CYLD: variants seen among roughly 807,000 people sequenced by gnomAD.
CYLD encodes the protein CYLD lysine 63 deubiquitinase.
CYLD carries 26 observed loss-of-function variants against 104.5 expected under a neutral mutation model. The ratio of observed to expected loss-of-function variants is 0.25; its 90% CI spans 0.18 to 0.35. The LOEUF is 0.35. Among genes scored for constraint, CYLD ranks in the 10% least tolerant of loss-of-function variants. The pLI, the probability that CYLD is intolerant of heterozygous loss-of-function variation, is 1.00. For synonymous variants in CYLD, 385 were observed against 399.9 expected, an observed-to-expected ratio of 0.96 and a Z score of 0.45; for missense variants, 703 against 1,136.1, an observed-to-expected ratio of 0.62 and a Z score of 5.48.
intron 12 of CYLD, 37 bp downstream of exon 12, chr16:50,784,488 G>C: frequency 1.2e-6 from 2 of 1,605,244 alleles, no homozygotes; most frequent in Non-Finnish European, 1.7e-6. Flanking sequence ...GCCTTTACAT[G>C]GTGTTCTATT....
chr16:50,776,336 A>T (rs1431003625), intron 7 of CYLD, 59 bp downstream of exon 7: 1 of 1,153,978 alleles, frequency 8.7e-7, no homozygotes, highest in Non-Finnish European at 1.3e-6. Context: ...TTGCCATAGC[A>T]TTAAAAAAGA....
At chr16:50,752,012 A>G (rs1027734059) in intron 4 of CYLD, 106 bp downstream of exon 4, 5 of 218,838 alleles carry the variant, frequency 2.3e-5, no homozygotes, top group African/African-American at 6.6e-5. Context: ...ATACACACAT[A>G]TATATGTATA....
intron 5 of CYLD, 137 bp from the exon 6 acceptor site, chr16:50,775,029 A>G: frequency 1.5e-6 from 1 of 682,734 alleles, no homozygotes; most frequent in Non-Finnish European, 2.5e-6. Flanking sequence ...CCAAGTATTT[A>G]CATATAATTC....
intron 14 of CYLD, among the ~76,000 whole-genome samples, chr16:50,790,553 A>G (rs781513274): frequency 7.9e-5 from 12 of 152,050 alleles, no homozygotes; most frequent in Non-Finnish European, 1.5e-4. Flanking sequence ...AAACATTGGT[A>G]TATCATAGCC....
chr16:50,762,093 G>A (rs1194645415), intron 5 of CYLD, among the ~76,000 whole-genome samples: 1 of 152,050 alleles, frequency 6.6e-6, no homozygotes, highest in East Asian at 1.9e-4. Flanking sequence ...GGTGAGGTCA[G>A]GGCCTTCAGC....
intron 11 of CYLD, among the ~76,000 whole-genome samples, chr16:50,783,310 A>C (rs960576562): frequency 1.3e-5 from 2 of 152,134 alleles, no homozygotes; most frequent in Admixed American, 1.3e-4. Context: ...ACTGGGCTAA[A>C]TTGAGAGTAG....
intron 11 of CYLD, chr16:50,784,070 T>C (rs1970566904): frequency 4.9e-6 from 2 of 408,350 alleles, no homozygotes; most frequent in African/African-American, 4.1e-5. Flanking sequence ...CACGTTGTTA[T>C]CCTTTAACAC....
intron 5 of CYLD, among the ~76,000 whole-genome samples, chr16:50,762,220 C>CT (rs1968027818): frequency 6.6e-6 from 1 of 151,866 alleles, no homozygotes; most frequent in Non-Finnish European, 1.5e-5. Flanking sequence ...ACGTGTGATT[C>CT]TTTATGTGTT....
chr16:50,791,077 A>AAGTC (rs1234149736), intron 14 of CYLD, among the ~76,000 whole-genome samples: 1 of 152,232 alleles, frequency 6.6e-6, no homozygotes, highest in African/African-American at 2.4e-5. Flanking sequence ...ACTTGCTGAG[A>AAGTC]AGTCATTCTC....
Position 50,798,729 on chromosome 16 carries a change from A to T in CYLD, c.*2221A>T. 1 of 233,398 alleles carries T rather than the reference A, an allele frequency of 4.3e-6. No individual in the cohort carries two copies. 14.5% of individuals were successfully genotyped at this position (233,398 alleles called of 1,614,324 possible). On this transcript the variant is annotated 3_prime_UTR_variant, in exon 19 of 19. Coordinates refer to ENST00000427738, the MANE Select transcript of CYLD (RefSeq NM_001378743.1). ...TGTCATGGTAGAGAACTTGAAGAAG[A>T]CCTGTTTGGATGGACACCTGGTTTC...
intron 7 of CYLD, among the ~76,000 whole-genome samples, chr16:50,776,800 A>G (rs1472675875): frequency 2.6e-5 from 4 of 152,218 alleles, no homozygotes; most frequent in African/African-American, 9.6e-5. Context: ...GTAGTTATAC[A>G]AGCCAAAGAG....
intron 9 of CYLD, among the ~76,000 whole-genome samples, chr16:50,780,866 A>G (rs1324814784): frequency 6.6e-6 from 1 of 150,684 alleles, no homozygotes; most frequent in African/African-American, 2.4e-5. Context: ...TTTCCATGCT[A>G]GTGAATACTA....
intron 2 of CYLD, among the ~76,000 whole-genome samples, chr16:50,748,042 A>G (rs543184344): frequency 2.4e-4 from 37 of 152,238 alleles, no homozygotes; most frequent in Non-Finnish European, 5.0e-4. Context: ...TTGTTTGATC[A>G]TTAAGTGATT....
intron 5 of CYLD, among the ~76,000 whole-genome samples, chr16:50,755,385 G>A (rs1266920336): frequency 6.6e-6 from 1 of 151,928 alleles, no homozygotes; most frequent in African/African-American, 2.4e-5. Flanking sequence ...TTTTCCTTGG[G>A]TAGACTCCTA....
intron 14 of CYLD, among the ~76,000 whole-genome samples, chr16:50,791,335 GT>G (rs554726764): frequency 4.0e-4 from 61 of 152,302 alleles, no homozygotes; most frequent in Admixed American, 3.9e-3. Context: ...GAACTTTCCA[GT>G]CTAAAAACTA....
intron 6 of CYLD, among the ~76,000 whole-genome samples, 193 bp downstream of exon 6, chr16:50,775,367 T>G (rs1261745551): frequency 6.6e-6 from 1 of 152,216 alleles, no homozygotes; most frequent in East Asian, 1.9e-4. Flanking sequence ...ACACCTATAT[T>G]TCAGAAATAA....
In CYLD at chr16:50,797,510, A is replaced by G. The variant is rs1972148370; in HGVS notation, c.*1002A>G. Reference sequence around the variant, plus strand: ...TTCACTTGATAGAATCAGATATGTTATCGAAATGTTAGCAGCAGCTTCATC... The same window carrying G: ...TTCACTTGATAGAATCAGATATGTTGTCGAAATGTTAGCAGCAGCTTCATC... On this transcript the variant is annotated 3_prime_UTR_variant, in exon 19 of 19. Coordinates refer to ENST00000427738, the MANE Select transcript of CYLD (RefSeq NM_001378743.1). 8.6e-6 allele frequency: 2 copies of G among 232,330 alleles called. No homozygotes were observed. The highest frequency in any genetic ancestry group is 1.2e-3 in the Middle Eastern group (1 of 802). 14.4% of individuals were successfully genotyped at this position (232,330 alleles called of 1,614,324 possible).
intron 16 of CYLD, 71 bp downstream of exon 16, chr16:50,792,776 G>T: frequency 2.4e-6 from 2 of 820,488 alleles, no homozygotes; most frequent in East Asian, 2.7e-5. Flanking sequence ...CATCAGTTGT[G>T]GGTTAGACTC....
intron 18 of CYLD, 25 bp from the exon 19 acceptor site, chr16:50,796,299 A>G (rs749531195): frequency 6.2e-7 from 1 of 1,612,704 alleles, no homozygotes; most frequent in Non-Finnish European, 8.5e-7. Flanking sequence ...ACTGCCCTAT[A>G]AAGAGTTCTT....
Sources: allele counts gnomAD v4.1 joint callset (sites outside exome capture counted in the v4.1 genomes callset), GRCh38; gene constraint gnomAD v4.1.1; transcripts MANE v1.5; gene names NCBI Gene and HGNC (gene_info 2026-07-23, HGNC 2026-07-21).